Variants in TSC2 observed in about 807,000 individuals in gnomAD.
TSC2 encodes the protein tuberin.
In TSC2, 29 loss-of-function variants were observed where a neutral mutation model predicts 202.2. That is an observed-to-expected ratio of 0.14 (90% confidence interval 0.11 to 0.20). The LOEUF is 0.20. Ranked by LOEUF, TSC2 falls within the 10% of genes least tolerant of loss-of-function variation. The pLI is 1.00. For missense variants in TSC2, 2,429 were observed against 2,420.0 expected (o/e 1.00, Z -0.08); for synonymous variants, 1,349 against 1,044.0 (o/e 1.29, Z -5.63).
chr16:2,087,990 G>A (rs767754780), intron 39 of TSC2, 49 bp downstream of exon 39: 6 of 1,612,810 alleles, frequency 3.7e-6, no homozygotes, highest in Non-Finnish European at 4.2e-6. Flanking sequence ...GGCCGGGTGG[G>A]GCCCTGCAGT....
chr16:2,049,084 CTTTAT>C (rs1169921424), intron 2 of TSC2, among the ~76,000 whole-genome samples: 1 of 150,810 alleles, frequency 6.6e-6, no homozygotes, highest in Non-Finnish European at 1.5e-5. Flanking sequence ...GAAGTAGGTT[CTTTAT>C]TTTATTTTTT....
intron 16 of TSC2, among the ~76,000 whole-genome samples, chr16:2,069,556 T>C (rs2087917467): frequency 6.6e-6 from 1 of 151,648 alleles, no homozygotes; most frequent in Non-Finnish European, 1.5e-5. Context: ...CTCGGCTCAC[T>C]GCAAGCTCTG....
At chr16:2,048,299 G>A in intron 1 of TSC2, 3 of 1,098,986 alleles carry the variant, frequency 2.7e-6, no homozygotes, top group Non-Finnish European at 4.1e-6. Flanking sequence ...CAAACGTCGG[G>A]GCTCCCAGGA....
At chr16:2,056,807 G>A (rs2151082824) in intron 8 of TSC2, 38 bp downstream of exon 8, 1 of 1,602,296 alleles carries the variant, frequency 6.2e-7, no homozygotes, top group Non-Finnish European at 8.5e-7. Context: ...GTTCCTGAGA[G>A]CACATGGATG....
chr16:2,059,136 A>C (rs1380772872), intron 10 of TSC2, among the ~76,000 whole-genome samples: 2 of 150,628 alleles, frequency 1.3e-5, no homozygotes, highest in East Asian at 3.9e-4. Flanking sequence ...CTATTGCCTC[A>C]GACTCCTGAG....
rs1452209083 is a variant in TSC2 at position 2,087,956 on chromosome 16, G to A, written c.5068+15G>A. On this transcript the variant is annotated intron_variant, in intron 39 of 41. Transcript: ENST00000219476. The stretch of plus-strand genomic sequence containing the variant: ...GTGCAGGAAAGGTAGGGCCGGGTGG[G>A]GCCCTGCAGTGCAGGAAAGGTAGGG... 6.2e-7 allele frequency: 1 copy of A among 1,605,070 alleles called. No homozygotes were observed. The highest frequency in any genetic ancestry group is 8.5e-7 in the Non-Finnish European group (1 of 1,174,504).
chr16:2,081,848 T>C, intron 31 of TSC2, 50 bp downstream of exon 31: 1 of 1,594,990 alleles, frequency 6.3e-7, no homozygotes, highest in Non-Finnish European at 8.5e-7. Flanking sequence ...ACTGGCCTGG[T>C]GCTCCCGGTG....
At chr16:2,064,487 G>A in intron 15 of TSC2, 60 bp downstream of exon 15, 1 of 1,609,154 alleles carries the variant, frequency 6.2e-7, no homozygotes, top group Non-Finnish European at 8.5e-7. Flanking sequence ...GGGCAGCAAT[G>A]GCCTCTGGGC....
intron 30 of TSC2, chr16:2,081,132 C>G (rs1017983590): frequency 6.6e-5 from 18 of 273,136 alleles, no homozygotes; most frequent in South Asian, 4.0e-5. Context: ...GAGACAGTCC[C>G]GTTCTGAGTT....
Position 2,083,057 on chromosome 16 carries a change from C to A in TSC2, c.3883+553C>A, listed in dbSNP as rs1362956253. On this transcript the variant is annotated intron_variant, in intron 32 of 41. Coordinates refer to ENST00000219476, the MANE Select transcript of TSC2 (RefSeq NM_000548.5). ...GTGCAGACGAGCTGGTTTGGAAGGG[C>A]TGCGTGGGACGGGCCCTGGGGTGGC... 4.9e-5 allele frequency: 22 copies of A among 452,952 alleles called. No homozygotes were observed. The Admixed American group carries it at 5.2e-4, about 11-fold the overall frequency. The allele number at this position is 452,952 out of a possible 1,614,324, so 28.1% of individuals were successfully genotyped here. A position where few individuals can be genotyped will look rare whatever the true frequency, so the allele number is the denominator to read the frequency against.
rs1009673135 is a variant in TSC2, at chr16:2,054,963, C to T, written c.482-439C>T. ...AGGGCCTCAGTGGCTGGGCTGCCTG[C>T]AGGACAGGTGCCGGCCAGGTGCCTA... is the stretch of plus-strand genomic sequence containing the variant. On this transcript the variant is annotated intron_variant, in intron 5 of 41. Transcript: ENST00000219476. The T allele has an allele frequency of 5.8e-4, 196 of 339,628 alleles. 5 individuals carry two copies. The highest frequency in any genetic ancestry group is 5.0e-3 in the South Asian group (196 of 38,818). 21.0% of individuals were successfully genotyped at this position (339,628 alleles called of 1,614,324 possible). A position where few individuals can be genotyped will look rare whatever the true frequency, so the allele number is the denominator to read the frequency against.
Position 2,083,111 on chromosome 16 carries a change from G to A in TSC2, c.3884-584G>A, listed in dbSNP as rs978918472. 8 of 455,168 alleles carry A rather than the reference G, an allele frequency of 1.8e-5. No individual in the cohort carries two copies. In the East Asian group the frequency reaches 2.8e-4, roughly 16 times the overall value. 28.2% of individuals were successfully genotyped at this position (455,168 alleles called of 1,614,324 possible). ...CTGCGCGTGTGCAGGGCTGTGGGGC[G>A]CCCGGGGGCTGTGATGGTCCCCTCT... On this transcript the variant is annotated intron_variant, in intron 32 of 41. Transcript: ENST00000219476.
chr16:2,088,302 C>T lies in TSC2; in HGVS notation c.5236C>T (p.His1746Tyr). Residue 1746 changes from histidine to tyrosine, a missense_variant, in exon 41 of 42, where the codon CAC becomes TAC. By Grantham distance (83) the His-to-Tyr change is moderately conservative (BLOSUM62 2). Transcript: ENST00000219476. Reference protein sequence around the residue: ...YPSKWIARLRHIKRLRQRICE... With the variant: ...YPSKWIARLRYIKRLRQRICE... ...CTCCAAGTGGATTGCCCGGCTCCGC[C>T]ACATCAAGCGGCTCCGCCAGCGGGT... 2 of 1,612,714 alleles carry T rather than the reference C, an allele frequency of 1.2e-6. No homozygotes were observed. Among genetic ancestry groups the T allele is most frequent in the Non-Finnish European group, 8.5e-7 (1 of 1,179,928 alleles).
At chr16:2,077,849 A>G (rs1266005411) in intron 26 of TSC2, 123 bp downstream of exon 26, 6 of 1,530,298 alleles carry the variant, frequency 3.9e-6, no homozygotes, top group Non-Finnish European at 4.4e-6. Flanking sequence ...TGGCCAGCCC[A>G]GGGGGAGCCG....
chr16:2,053,197 A>G, intron 3 of TSC2, 145 bp from the exon 4 acceptor site: 1 of 799,840 alleles, frequency 1.3e-6, no homozygotes, highest in East Asian at 2.7e-5. Context: ...CAGGAGACAC[A>G]GGAGATACGA....
At chr16:2,061,093 C>A (rs755506228) in intron 11 of TSC2, 5 of 480,030 alleles carry the variant, frequency 1.0e-5, no homozygotes, top group African/African-American at 9.8e-5. Context: ...ACCTGCAGGC[C>A]GCCTTCGTGG....
rs137854239 is a variant in TSC2 at position 2,084,980 on chromosome 16, CCTT to C, written c.4527_4529del (p.Phe1510del). Reference sequence around the variant, plus strand: ...GTGTTCCTGCAGCTCTACCATTCCCCCTTCTTTGGCGACGAGTCAAACAAGCCA... The same window carrying C: ...GTGTTCCTGCAGCTCTACCATTCCCCCTTTGGCGACGAGTCAAACAAGCCA... On this transcript the variant is annotated inframe_deletion, in exon 35 of 42. Transcript: ENST00000219476. 5.2e-3 allele frequency: 8,410 copies of C among 1,613,366 alleles called. 44 individuals are homozygous for C. The highest frequency in any genetic ancestry group is 9.9e-3 in the South Asian group (899 of 91,086).
intron 25 of TSC2, 53 bp from the exon 26 acceptor site, chr16:2,077,545 C>T (rs2089563539): frequency 1.2e-6 from 2 of 1,610,646 alleles, no homozygotes; most frequent in African/African-American, 1.3e-5. Flanking sequence ...TTGTTCTCCC[C>T]TTCCCGGGAG....
rs114209035 is a variant in TSC2, at chr16:2,083,627, C to T, written c.3884-68C>T. On this transcript the variant is annotated intron_variant, in intron 32 of 41. Transcript: ENST00000219476. ...CTCTGGTCAGGAGAAGGCTGGTTCT[C>T]GGAGGCCACGTCAGGGCCAGGGCCT... is the stretch of plus-strand genomic sequence containing the variant. The T allele has an allele frequency of 7.5e-4, 1,163 of 1,548,028 alleles. 12 individuals carry two copies. The African/African-American group carries it at 0.014, about 18-fold the overall frequency.
Sources: gnomAD v4.1 joint callset for allele counts (sites outside exome capture counted in the v4.1 genomes callset) on GRCh38, gnomAD v4.1.1 for gene constraint, MANE v1.5 for transcripts, NCBI Gene and HGNC (gene_info 2026-07-23, HGNC 2026-07-21) for gene names.